The following ZFPM2 variants were observed in gnomAD, a reference collection of about 807,000 sequenced individuals.
ZFPM2 encodes the protein zinc finger protein ZFPM2.
A neutral mutation model predicts 98.6 loss-of-function variants in ZFPM2; 20 were observed. The ratio of observed to expected loss-of-function variants is 0.20; its 90% confidence interval spans 0.14 to 0.29. The LOEUF is 0.29. Ranked by LOEUF, ZFPM2 falls within the 10% of genes least tolerant of loss-of-function variation. The probability of loss-of-function intolerance (pLI) is 1.00; values close to 1 mark genes in which losing one functional copy is unlikely to be tolerated. For missense variants in ZFPM2, 1,310 were observed against 1,388.6 expected (o/e 0.94, Z 0.90); for synonymous variants, 518 against 502.7 (o/e 1.03, Z -0.41).
At chr8:105,427,398 C>A (rs1586364535) in intron 2 of ZFPM2, among the ~76,000 whole-genome samples, 1 of 152,114 alleles carries the variant, frequency 6.6e-6, no homozygotes, top group Non-Finnish European at 1.5e-5. Flanking sequence ...TAGCATATGA[C>A]AAACTAAATT....
chr8:105,468,778 G>C (rs1241643636), intron 3 of ZFPM2, among the ~76,000 whole-genome samples: 1 of 152,168 alleles, frequency 6.6e-6, no homozygotes, highest in Non-Finnish European at 1.5e-5. Flanking sequence ...CTAAGGCCCT[G>C]AGAAAATCAT....
At chr8:105,790,653 G>T (rs1813581503) in intron 6 of ZFPM2, among the ~76,000 whole-genome samples, 1 of 152,072 alleles carries the variant, frequency 6.6e-6, no homozygotes, top group Non-Finnish European at 1.5e-5. Flanking sequence ...AGCTTGATGG[G>T]GATGGCATTG....
chr8:105,729,915 T>C (rs1409985632), intron 5 of ZFPM2, among the ~76,000 whole-genome samples: 1 of 151,222 alleles, frequency 6.6e-6, no homozygotes, highest in African/African-American at 2.4e-5. Flanking sequence ...ATATATTAAA[T>C]ATATAATGTG....
At chr8:105,408,475 C>T (rs942691115) in intron 1 of ZFPM2, among the ~76,000 whole-genome samples, 5 of 151,748 alleles carry the variant, frequency 3.3e-5, no homozygotes, top group Admixed American at 2.6e-4. Context: ...TTGTTTTCCC[C>T]TCTGCTCACA....
chr8:105,495,723 T>C (rs1813453469), intron 3 of ZFPM2, among the ~76,000 whole-genome samples: 1 of 151,970 alleles, frequency 6.6e-6, no homozygotes, highest in Admixed American at 6.5e-5. Flanking sequence ...ATCGTTTTTT[T>C]CTGAAGAAGA....
At chr8:105,668,700 T>C (rs1442329) in intron 5 of ZFPM2, among the ~76,000 whole-genome samples, 149,696 of 152,310 alleles carry the variant, frequency 0.98, 73,582 homozygotes, top group East Asian at 1. Context: ...AATGAATCAT[T>C]ATACGTATTT....
intron 1 of ZFPM2, chr8:105,387,238 C>G (rs1811011682): frequency 6.5e-6 from 1 of 153,188 alleles, no homozygotes. Context: ...TCTCCAAGTC[C>G]CCACCAGACT....
At chr8:105,490,919 A>G (rs1297721434) in intron 3 of ZFPM2, among the ~76,000 whole-genome samples, 2 of 152,214 alleles carry the variant, frequency 1.3e-5, no homozygotes, top group South Asian at 2.1e-4. Flanking sequence ...ATTTAAAAAT[A>G]TGTACTCAAA....
intron 1 of ZFPM2, among the ~76,000 whole-genome samples, chr8:105,343,063 A>G (rs1208597677): frequency 1.3e-5 from 2 of 152,140 alleles, no homozygotes; most frequent in Non-Finnish European, 2.9e-5. Context: ...AACATGAATT[A>G]ACAAGATCAG....
chr8:105,408,493 C>T (rs1421087303), intron 1 of ZFPM2, among the ~76,000 whole-genome samples: 2 of 151,798 alleles, frequency 1.3e-5, no homozygotes, highest in Non-Finnish European at 2.9e-5. Flanking sequence ...ACATGGCCCC[C>T]TTCGTCTTGT....
intron 5 of ZFPM2, among the ~76,000 whole-genome samples, chr8:105,643,984 G>A (rs1022573686): frequency 2.0e-5 from 3 of 152,170 alleles, no homozygotes; most frequent in African/African-American, 4.8e-5. Context: ...CCACTTTCAC[G>A]TTATAACGTC....
At chr8:105,549,527 C>T (rs560512686) in intron 3 of ZFPM2, among the ~76,000 whole-genome samples, 6 of 123,444 alleles carry the variant, frequency 4.9e-5, no homozygotes, top group Middle Eastern at 3.8e-3. Context: ...ATCTTCCTTC[C>T]TTCCTTCCTT....
At chr8:105,491,614 C>T (rs1035721858) in intron 3 of ZFPM2, among the ~76,000 whole-genome samples, 3 of 152,054 alleles carry the variant, frequency 2.0e-5, no homozygotes, top group Admixed American at 6.6e-5. Context: ...CTTCAGACTT[C>T]ACAAGAGCAA....
chr8:105,352,364 A>G (rs1207155855), intron 1 of ZFPM2, among the ~76,000 whole-genome samples: 3 of 152,214 alleles, frequency 2.0e-5, no homozygotes, highest in South Asian at 2.1e-4. Context: ...AACAATATCA[A>G]TTATAATTTA....
intron 3 of ZFPM2, among the ~76,000 whole-genome samples, chr8:105,451,318 C>T (rs1363919272): frequency 6.6e-6 from 1 of 152,054 alleles, no homozygotes; most frequent in African/African-American, 2.4e-5. Context: ...TATGGGCCCC[C>T]AAATATATGA....
At chr8:105,721,097 G>A (rs1481090491) in intron 5 of ZFPM2, among the ~76,000 whole-genome samples, 2 of 151,664 alleles carry the variant, frequency 1.3e-5, no homozygotes, top group Non-Finnish European at 2.9e-5. Context: ...TAGACATAGG[G>A]GACTGGTTCC....
At chr8:105,703,820 G>A (rs1303540274) in intron 5 of ZFPM2, among the ~76,000 whole-genome samples, 2 of 152,118 alleles carry the variant, frequency 1.3e-5, no homozygotes, top group Admixed American at 1.3e-4. Context: ...CATATTTAAA[G>A]AATCAACTGT....
chr8:105,467,954 C>T (rs1314315623), intron 3 of ZFPM2, among the ~76,000 whole-genome samples: 1 of 151,992 alleles, frequency 6.6e-6, no homozygotes, highest in Non-Finnish European at 1.5e-5. Flanking sequence ...ACTTTTCTGA[C>T]TTTATTACTA....
rs1563573994 is a variant in ZFPM2 at position 105,802,094 on chromosome 8, A to G, written c.2012A>G (p.Lys671Arg). 2 of 1,613,858 alleles carry G rather than the reference A, an allele frequency of 1.2e-6. No individual in the cohort carries two copies. The highest frequency in any genetic ancestry group is 1.7e-6 in the Non-Finnish European group (2 of 1,179,864). Reference sequence around the variant, plus strand: ...ATTAATGGAAAACCTGTTGATGTGAAAAATCCCAGTGTCCCCTTAGTGGAT... The same window carrying G: ...ATTAATGGAAAACCTGTTGATGTGAGAAATCCCAGTGTCCCCTTAGTGGAT... ...DKINGKPVDV[K>R]NPSVPLVDGE... The change falls in exon 8 of 8, where the codon AAA becomes AGA. Residue 671 changes from lysine to arginine, a missense_variant. Physicochemically the swap from Lys to Arg is conservative, Grantham distance 26 (BLOSUM62 2). Transcript: ENST00000407775.
Sources: allele counts gnomAD v4.1 joint callset (sites outside exome capture counted in the v4.1 genomes callset), GRCh38; gene constraint gnomAD v4.1.1; transcripts MANE v1.5; gene names NCBI Gene and HGNC (gene_info 2026-07-23, HGNC 2026-07-21).